The following TSPAN8 variants were observed in gnomAD, a reference collection of about 807,000 sequenced individuals.
TSPAN8 encodes tetraspanin-8.
In TSPAN8, 21 loss-of-function variants were observed where a neutral mutation model predicts 32.8. That is an observed-to-expected ratio of 0.64 (90% confidence interval 0.45 to 0.92). The LOEUF (loss-of-function observed/expected upper bound fraction) is 0.92. TSPAN8 is among the 40% of genes least tolerant of loss of function. TSPAN8 has a pLI of 0.00. For synonymous variants in TSPAN8, 95 were observed against 94.6 expected (o/e 1.00, Z -0.03); for missense variants, 269 against 281.9 (o/e 0.95, Z 0.33).
At chr12:71,130,221 T>C (rs1871478919) in intron 7 of TSPAN8, among the ~76,000 whole-genome samples, 1 of 152,232 alleles carries the variant, frequency 6.6e-6, no homozygotes, top group Non-Finnish European at 1.5e-5. Context: ...CTGAAAATGC[T>C]GGGATAACAG....
chr12:71,135,508 G>A (rs1448427087), intron 6 of TSPAN8, among the ~76,000 whole-genome samples: 1 of 90,840 alleles, frequency 1.1e-5, no homozygotes, highest in Non-Finnish European at 2.5e-5. Flanking sequence ...AAGGAAGAAG[G>A]AGGAGGAGAA....
At chr12:71,134,721 A>G (rs76486550) in intron 6 of TSPAN8, among the ~76,000 whole-genome samples, 4,447 of 152,306 alleles carry the variant, frequency 0.029, 179 homozygotes, top group East Asian at 0.16. Context: ...ATTCCACTAT[A>G]AAATTTATAT....
At chr12:71,141,330 A>C (rs1205679292) in intron 3 of TSPAN8, among the ~76,000 whole-genome samples, 1 of 152,200 alleles carries the variant, frequency 6.6e-6, no homozygotes, top group Non-Finnish European at 1.5e-5. Context: ...GAGCTAAAAA[A>C]TCAGTTTTGT....
chr12:71,139,880 T>C, intron 3 of TSPAN8, 32 bp from the exon 4 acceptor site: 1 of 1,554,178 alleles, frequency 6.4e-7, no homozygotes, highest in Non-Finnish European at 8.7e-7. Context: ...TGGCAGAAAA[T>C]TTATTTCCTT....
intron 8 of TSPAN8, among the ~76,000 whole-genome samples, chr12:71,125,851 T>C (rs892714925): frequency 2.0e-5 from 3 of 151,640 alleles, no homozygotes; most frequent in Admixed American, 1.3e-4. Flanking sequence ...GCTGTAGTTT[T>C]AGGCATTTCC....
intron 3 of TSPAN8, 36 bp downstream of exon 3, chr12:71,144,101 AATGAAATAAACTAC>A: frequency 2.0e-6 from 3 of 1,514,306 alleles, no homozygotes; most frequent in Non-Finnish European, 2.7e-6. Flanking sequence ...CATTATTATA[AATGAAATAAACTAC>A]ATTGGGGAAA....
chr12:71,144,322 A>G (rs1872004083), intron 2 of TSPAN8, 109 bp from the exon 3 acceptor site: 2 of 888,430 alleles, frequency 2.3e-6, no homozygotes, highest in Non-Finnish European at 3.5e-6. Context: ...CGACTATACT[A>G]TCACAACCTG....
chr12:71,138,037 A>G lies in TSPAN8; in HGVS notation c.360T>C (p.Thr120=). Residue 120 remains threonine, a synonymous_variant, in exon 6 of 9, where the codon ACT becomes ACC. Coordinates refer to ENST00000247829, the MANE Select transcript of TSPAN8 (RefSeq NM_004616.3). ...KSKSDRIVNE[T]LYENTKLLSA... ...TCAAAAGCTTTGTGTTTTCATAGAG[A>G]GTTTCATTCACAATGCGATCAGACT... 2 of 1,613,916 alleles carry G rather than the reference A, an allele frequency of 1.2e-6. No individual in the cohort carries two copies. The highest frequency in any genetic ancestry group is 1.7e-6 in the Non-Finnish European group (2 of 1,179,960).
intron 4 of TSPAN8, among the ~76,000 whole-genome samples, chr12:71,138,663 C>T (rs939177914): frequency 6.6e-6 from 1 of 152,134 alleles, no homozygotes; most frequent in African/African-American, 2.4e-5. Flanking sequence ...CTGAAATCGG[C>T]TTCAGATATG....
Position 71,125,236 on chromosome 12 carries a change from T to C in TSPAN8, c.*98A>G. 3 of 990,258 alleles carry C rather than the reference T, an allele frequency of 3.0e-6. No individual in the cohort carries two copies. The South Asian group carries it at 4.7e-5, about 16-fold the overall frequency. 61.3% of individuals were successfully genotyped at this position (990,258 alleles called of 1,614,324 possible). ...AGCCGAGACATTTTAAAAAGACAGC[T>C]GCTCCTGACTTATATAGCACTTACA... On this transcript the variant is annotated 3_prime_UTR_variant, in exon 9 of 9. Coordinates refer to ENST00000247829, the MANE Select transcript of TSPAN8 (RefSeq NM_004616.3).
rs147514346 is a variant in TSPAN8 at position 71,140,072 on chromosome 12, A to C, written c.124-224T>G. Among the ~76,000 whole-genome samples the C allele has an allele frequency of 2.3e-3, 311 of 133,194 alleles. 1 individual carries two copies. The South Asian group carries it at 0.031, about 13-fold the overall frequency. The allele number at this position is 133,194 out of a possible 152,430, so 87.4% of individuals were successfully genotyped here. On this transcript the variant is annotated intron_variant, in intron 3 of 8. Transcript: ENST00000247829. The stretch of plus-strand genomic sequence containing the variant: ...TGATATGATGAAAGCTGGGTGGAAG[A>C]AATGTAATAGGTTTTTTTAAACCGT...
At chr12:71,151,251 G>C (rs1872246263) in intron 2 of TSPAN8, among the ~76,000 whole-genome samples, 1 of 152,004 alleles carries the variant, frequency 6.6e-6, no homozygotes, top group Non-Finnish European at 1.5e-5. Flanking sequence ...TTTTAGTAGA[G>C]ATGGGGTTTC....
intron 2 of TSPAN8, among the ~76,000 whole-genome samples, chr12:71,154,993 T>C (rs140653851): frequency 7.2e-5 from 11 of 152,342 alleles, no homozygotes; most frequent in African/African-American, 2.4e-4. Flanking sequence ...AGCTGATCTA[T>C]TGTTTCATAA....
intron 2 of TSPAN8, among the ~76,000 whole-genome samples, chr12:71,153,488 T>C (rs982946553): frequency 2.0e-5 from 3 of 152,240 alleles, no homozygotes; most frequent in African/African-American, 7.2e-5. Flanking sequence ...ACCACATGCA[T>C]ATCTAAGAGA....
At chr12:71,136,169 C>T (rs530039580) in intron 6 of TSPAN8, among the ~76,000 whole-genome samples, 14 of 151,602 alleles carry the variant, frequency 9.2e-5, no homozygotes, top group African/African-American at 1.5e-4. Context: ...TTTTAGGAGT[C>T]GAACAATAGC....
rs150968827 is a variant in TSPAN8 at position 71,126,585 on chromosome 12, T to C, written c.661-1198A>G. Among the ~76,000 whole-genome samples the C allele has an allele frequency of 4.5e-3, 683 of 152,208 alleles. 6 individuals carry two copies. Among genetic ancestry groups the C allele is most frequent in the Admixed American group, 0.015 (230 of 15,280 alleles). On this transcript the variant is annotated intron_variant, in intron 8 of 8. Transcript: ENST00000247829. ...TGATTGTTCAAAAAAAAGCACATAA[T>C]TAAAAGAGATTTGTCATTTTATAAT... is the stretch of plus-strand genomic sequence containing the variant.
At chr12:71,137,469 G>A (rs928765823) in intron 6 of TSPAN8, among the ~76,000 whole-genome samples, 12 of 151,898 alleles carry the variant, frequency 7.9e-5, no homozygotes, top group African/African-American at 2.7e-4. Context: ...GCGTGGTGGC[G>A]CATGTCTGTA....
At chr12:71,150,503 C>A (rs544456350) in intron 2 of TSPAN8, among the ~76,000 whole-genome samples, 1 of 142,044 alleles carries the variant, frequency 7.0e-6, no homozygotes, top group Non-Finnish European at 1.5e-5. Context: ...GCATCACGGT[C>A]CTACTGATAT....
intron 8 of TSPAN8, among the ~76,000 whole-genome samples, chr12:71,125,666 C>T (rs1352153587): frequency 1.3e-5 from 2 of 152,102 alleles, no homozygotes; most frequent in African/African-American, 4.8e-5. Context: ...CAGCTGCCAC[C>T]AGAGGACCTA....
Sources: gnomAD v4.1 joint callset for allele counts (sites outside exome capture counted in the v4.1 genomes callset) on GRCh38, gnomAD v4.1.1 for gene constraint, MANE v1.5 for transcripts, NCBI Gene and HGNC (gene_info 2026-07-23, HGNC 2026-07-21) for gene names.